PSD3: variants seen among roughly 807,000 people sequenced by gnomAD.
PSD3 encodes PH and SEC7 domain-containing protein 3.
Under a neutral mutation model 105.5 loss-of-function variants are expected in PSD3, and 49 were observed. The observed-to-expected ratio is 0.46, with a 90% CI of 0.37 to 0.59. PSD3 has a LOEUF of 0.59. Ranked by LOEUF, PSD3 falls within the 20% of genes least tolerant of loss-of-function variation. The pLI, the probability that PSD3 is intolerant of heterozygous loss-of-function variation, is 0.00. For missense variants in PSD3, 1,561 were observed against 1,263.8 expected (o/e 1.24, Z -3.57); for synonymous variants, 557 against 457.8 (o/e 1.22, Z -2.77).
chr8:18,869,457 G>A (rs1032341092), intron 3 of PSD3, among the ~76,000 whole-genome samples: 1 of 152,098 alleles, frequency 6.6e-6, no homozygotes, highest in East Asian at 1.9e-4. Context: ...GGGATTACAG[G>A]TGTGAGCCAC....
chr8:19,021,003 A>G (rs1378640226), intron 1 of PSD3, among the ~76,000 whole-genome samples: 6 of 152,178 alleles, frequency 3.9e-5, no homozygotes, highest in African/African-American at 1.4e-4. Flanking sequence ...GGGGACAGGT[A>G]GGAGTGGGAG....
At chr8:18,801,116 A>G in intron 7 of PSD3, 154 bp downstream of exon 7, 1 of 477,082 alleles carries the variant, frequency 2.1e-6, no homozygotes, top group Non-Finnish European at 3.7e-6. Context: ...TTGACATTAA[A>G]TATTAAATAG....
At chr8:18,813,093 A>G (rs551034201) in intron 4 of PSD3, among the ~76,000 whole-genome samples, 7 of 152,294 alleles carry the variant, frequency 4.6e-5, no homozygotes. Context: ...ATGAAGGAAA[A>G]GCCTCCTCCG....
At chr8:18,910,339 G>T (rs533879333) in intron 2 of PSD3, among the ~76,000 whole-genome samples, 1 of 136,982 alleles carries the variant, frequency 7.3e-6, no homozygotes. Context: ...CCTTTGTAGG[G>T]ACATGGATGA....
Position 18,789,457 on chromosome 8 carries a change from G to C in PSD3, c.2082+9838C>G, listed in dbSNP as rs922532453. Among the ~76,000 whole-genome samples, 3 of 152,104 alleles carry C rather than the reference G, an allele frequency of 2.0e-5. No homozygotes were observed. The South Asian group carries it at 6.2e-4, about 32-fold the overall frequency. Reference sequence around the variant, plus strand: ...TCATAAATGTGTTATTCACTTAATGGGTTTTTAATGATTTAATGCAATTTA... The same window carrying C: ...TCATAAATGTGTTATTCACTTAATGCGTTTTTAATGATTTAATGCAATTTA... On this transcript the variant is annotated intron_variant, in intron 8 of 15. Coordinates refer to ENST00000327040, the MANE Select transcript of PSD3 (RefSeq NM_015310.4).
Position 18,824,708 on chromosome 8 carries a change from T to A in PSD3, c.1635-19810A>T, listed in dbSNP as rs139131595. 1.3e-4 allele frequency among the ~76,000 whole-genome samples: 20 copies of A among 152,250 alleles called. No homozygotes were observed. The East Asian group carries it at 3.9e-3, about 29-fold the overall frequency. On this transcript the variant is annotated intron_variant, in intron 4 of 15. Coordinates refer to ENST00000327040, the MANE Select transcript of PSD3 (RefSeq NM_015310.4). ...ATGCTACAAAGAAATGTGTAGTGTTTGGGGGAAGCAGTGAATAAGAACAGA... is the reference window on the plus strand; with the variant it reads ...ATGCTACAAAGAAATGTGTAGTGTTAGGGGGAAGCAGTGAATAAGAACAGA...
At chr8:19,045,915 A>G (rs760593843) in intron 1 of PSD3, among the ~76,000 whole-genome samples, 12 of 152,190 alleles carry the variant, frequency 7.9e-5, no homozygotes, top group Non-Finnish European at 1.5e-4. Context: ...AATCATCACT[A>G]GATTCTCAAG....
intron 4 of PSD3, among the ~76,000 whole-genome samples, chr8:18,810,335 A>T (rs1169745600): frequency 6.6e-6 from 1 of 152,162 alleles, no homozygotes; most frequent in Non-Finnish European, 1.5e-5. Context: ...CTTCCATGCT[A>T]TGCTATCAAT....
chr8:18,616,266 G>A (rs1229892202), intron 11 of PSD3, among the ~76,000 whole-genome samples: 1 of 152,224 alleles, frequency 6.6e-6, no homozygotes, highest in East Asian at 1.9e-4. Context: ...GCGTTCAAGT[G>A]CTCTTCACTG....
At chr8:18,833,678 G>A (rs1034981502) in intron 4 of PSD3, among the ~76,000 whole-genome samples, 5 of 152,058 alleles carry the variant, frequency 3.3e-5, no homozygotes, top group Admixed American at 6.5e-5. Flanking sequence ...TATCTAGTCA[G>A]AATAATTATC....
chr8:18,619,210 G>A (rs765734221), intron 11 of PSD3, among the ~76,000 whole-genome samples: 9 of 152,030 alleles, frequency 5.9e-5, no homozygotes, highest in Non-Finnish European at 1.0e-4. Flanking sequence ...TGCCACGATG[G>A]GATGGAAGTT....
intron 10 of PSD3, among the ~76,000 whole-genome samples, chr8:18,652,247 C>CTG (rs990483822): frequency 4.7e-4 from 71 of 151,992 alleles, no homozygotes; most frequent in African/African-American, 1.7e-3. Context: ...GAGGTCAGAG[C>CTG]TGTATATATA....
At chr8:19,032,137 A>G (rs1283086536) in intron 1 of PSD3, among the ~76,000 whole-genome samples, 2 of 151,980 alleles carry the variant, frequency 1.3e-5, no homozygotes, top group African/African-American at 4.8e-5. Flanking sequence ...TTTACTCTAA[A>G]CACTGTCTTC....
At chr8:18,650,696 T>C (rs948430217) in intron 10 of PSD3, among the ~76,000 whole-genome samples, 14 of 152,216 alleles carry the variant, frequency 9.2e-5, no homozygotes, top group African/African-American at 2.4e-4. Flanking sequence ...TGGATAGAGA[T>C]TGCAGAATAG....
intron 1 of PSD3, among the ~76,000 whole-genome samples, chr8:19,038,666 T>G (rs539085033): frequency 5.2e-4 from 79 of 152,258 alleles, no homozygotes; most frequent in African/African-American, 1.7e-3. Flanking sequence ...CTCGCCATGT[T>G]GCCCAGGCTG....
rs115323065 is a variant in PSD3 at position 18,722,113 on chromosome 8, G to T, written c.2172+43336C>A. ...TTCAACTCCCCTTTCTCCCAGCTGC[G>T]GTATTGAACTTAAAAGTCTACTAGA... is the stretch of plus-strand genomic sequence containing the variant. On this transcript the variant is annotated intron_variant, in intron 9 of 15. Coordinates refer to ENST00000327040, the MANE Select transcript of PSD3 (RefSeq NM_015310.4). 5.9e-3 allele frequency among the ~76,000 whole-genome samples: 888 copies of T among 151,466 alleles called. 10 individuals carry two copies. The highest frequency in any genetic ancestry group is 0.02 in the African/African-American group (808 of 41,260).
chr8:18,667,130 T>C (rs145681353), intron 9 of PSD3, among the ~76,000 whole-genome samples: 2,243 of 152,262 alleles, frequency 0.015, 56 homozygotes, highest in African/African-American at 0.052. Context: ...GAGTTGCCAC[T>C]GGTGGCTCAG....
At chr8:18,761,709 C>A (rs758900365) in intron 9 of PSD3, among the ~76,000 whole-genome samples, 6 of 152,142 alleles carry the variant, frequency 3.9e-5, no homozygotes, top group Non-Finnish European at 7.3e-5. Flanking sequence ...TAGAGCCTTA[C>A]GAATGTTTTA....
chr8:18,638,977 C>T (rs1807458013), intron 10 of PSD3, among the ~76,000 whole-genome samples: 1 of 152,186 alleles, frequency 6.6e-6, no homozygotes, highest in Admixed American at 6.5e-5. Context: ...AATCAGGTGC[C>T]ATGGCATTGA....
Sources: gnomAD v4.1 joint callset for allele counts (sites outside exome capture counted in the v4.1 genomes callset) on GRCh38, gnomAD v4.1.1 for gene constraint, MANE v1.5 for transcripts, NCBI Gene and HGNC (gene_info 2026-07-23, HGNC 2026-07-21) for gene names.